The following SGCZ variants were observed in gnomAD, a reference collection of about 807,000 sequenced individuals.
SGCZ encodes the protein zeta-sarcoglycan.
A neutral mutation model predicts 41.3 loss-of-function variants in SGCZ; 40 were observed. That is an observed-to-expected ratio of 0.97 (90% confidence interval 0.75 to 1.26). The LOEUF is 1.26. Ranked by LOEUF, SGCZ falls within the 50% of genes most tolerant of loss-of-function variation. The pLI is 0.00. For missense variants in SGCZ, 552 were observed against 369.8 expected (o/e 1.49, Z -4.04); for synonymous variants, 206 against 137.5 (o/e 1.50, Z -3.49).
chr8:14,178,229 C>T (rs1442486607), intron 4 of SGCZ, among the ~76,000 whole-genome samples: 1 of 152,164 alleles, frequency 6.6e-6, no homozygotes, highest in Non-Finnish European at 1.5e-5. Flanking sequence ...GCTGGGATTA[C>T]AGGCTTGAGC....
intron 1 of SGCZ, among the ~76,000 whole-genome samples, chr8:15,000,182 G>A (rs902686819): frequency 6.6e-6 from 1 of 152,118 alleles, no homozygotes; most frequent in Admixed American, 6.5e-5. Flanking sequence ...CCAAGTCAAG[G>A]AGAGAGTCCT....
intron 5 of SGCZ, among the ~76,000 whole-genome samples, chr8:14,132,358 C>T (rs1161980085): frequency 6.6e-6 from 1 of 152,140 alleles, no homozygotes. Context: ...ATGATTGCAA[C>T]AAAATACAAA....
At position 15,017,310 on chromosome 8, in the gene SGCZ, C is replaced by G. The variant is rs562029040; in HGVS notation, c.39+220275G>C. Among the ~76,000 whole-genome samples the G allele has an allele frequency of 2.6e-5, 4 of 152,244 alleles. No individual in the cohort carries two copies. The South Asian group carries it at 8.3e-4, about 32-fold the overall frequency. ...GACAGTTTCCCAGGCAAATAGTCAA[C>G]AGAGGGCAGACACCTGTATTGCAAC... On this transcript the variant is annotated intron_variant, in intron 1 of 7. Coordinates refer to ENST00000382080, the MANE Select transcript of SGCZ (RefSeq NM_139167.4).
intron 1 of SGCZ, among the ~76,000 whole-genome samples, chr8:15,232,914 A>G (rs990446164): frequency 4.0e-5 from 6 of 151,576 alleles, no homozygotes; most frequent in Non-Finnish European, 8.8e-5. Flanking sequence ...TTTTTTCCAC[A>G]TTATAGATGT....
At chr8:14,924,725 A>G (rs1055684408) in intron 1 of SGCZ, among the ~76,000 whole-genome samples, 2 of 152,324 alleles carry the variant, frequency 1.3e-5, no homozygotes, top group South Asian at 2.1e-4. Flanking sequence ...ATTTTTCAAC[A>G]TAGTAAACTG....
chr8:14,626,460 G>A (rs1321366707), intron 1 of SGCZ, among the ~76,000 whole-genome samples: 1 of 151,942 alleles, frequency 6.6e-6, no homozygotes, highest in Non-Finnish European at 1.5e-5. Context: ...TTTGAACTTT[G>A]TCTCTTCTAA....
chr8:14,349,590 G>C (rs1048027949), intron 2 of SGCZ, among the ~76,000 whole-genome samples: 6 of 152,100 alleles, frequency 3.9e-5, no homozygotes. Flanking sequence ...AAGACTCTGA[G>C]ATCCTAGTGG....
chr8:14,649,091 A>C (rs1807315607), intron 1 of SGCZ, among the ~76,000 whole-genome samples: 4 of 152,128 alleles, frequency 2.6e-5, no homozygotes, highest in African/African-American at 7.2e-5. Flanking sequence ...GTGTTTTCAA[A>C]AGCGTCTTCT....
chr8:14,111,577 A>G (rs2117011980), intron 5 of SGCZ, among the ~76,000 whole-genome samples: 1 of 152,304 alleles, frequency 6.6e-6, no homozygotes, highest in Admixed American at 6.5e-5. Context: ...AAAGGGTACA[A>G]TGTTCAACAC....
chr8:14,624,408 T>G (rs1246763076), intron 1 of SGCZ, among the ~76,000 whole-genome samples: 3 of 151,924 alleles, frequency 2.0e-5, no homozygotes, highest in Non-Finnish European at 4.4e-5. Context: ...TTCAAATACA[T>G]TTACCAATAG....
rs115750744 is a variant in SGCZ at position 14,647,836 on chromosome 8, T to C, written c.40-92910A>G. ...CACTTCACTATTTTCTTCAGTGTTCTCATCTGTAAGTTGAAGTTATTGACA... is the reference window on the plus strand; with the variant it reads ...CACTTCACTATTTTCTTCAGTGTTCCCATCTGTAAGTTGAAGTTATTGACA... On this transcript the variant is annotated intron_variant, in intron 1 of 7. Transcript: ENST00000382080. Among the ~76,000 whole-genome samples the C allele has an allele frequency of 6.1e-3, 923 of 152,208 alleles. 10 individuals carry two copies. Among genetic ancestry groups the C allele is most frequent in the African/African-American group, 0.021 (875 of 41,558 alleles).
At chr8:14,681,421 T>G (rs907624603) in intron 1 of SGCZ, among the ~76,000 whole-genome samples, 3 of 152,174 alleles carry the variant, frequency 2.0e-5, no homozygotes, top group Non-Finnish European at 4.4e-5. Context: ...CTTTTAGAAA[T>G]ATAATGTAAA....
At chr8:15,162,491 T>C (rs1299355224) in intron 1 of SGCZ, among the ~76,000 whole-genome samples, 2 of 152,238 alleles carry the variant, frequency 1.3e-5, no homozygotes, top group African/African-American at 2.4e-5. Flanking sequence ...TAGATACTCC[T>C]TCATGACTCA....
intron 1 of SGCZ, among the ~76,000 whole-genome samples, chr8:15,203,184 C>T (rs1280695728): frequency 2.6e-5 from 4 of 152,068 alleles, no homozygotes; most frequent in African/African-American, 7.2e-5. Flanking sequence ...TATTCTGCCT[C>T]GGTATCTTTT....
In SGCZ at chr8:14,111,796, G is replaced by A. The variant is rs561389616; in HGVS notation, c.548-3561C>T. The stretch of plus-strand genomic sequence containing the variant: ...TAAGGATGGCATATTCTGCTTTGCC[G>A]GAAAGGAGAAAAGGCAGATATGGAT... On this transcript the variant is annotated intron_variant, in intron 5 of 7. Coordinates refer to ENST00000382080, the MANE Select transcript of SGCZ (RefSeq NM_139167.4). Among the ~76,000 whole-genome samples the A allele has an allele frequency of 3.3e-5, 5 of 152,236 alleles. No homozygotes were observed. In the South Asian group the frequency reaches 8.3e-4, roughly 25 times the overall value.
At chr8:14,479,731 C>CTTCTTTTTTTTTTT (rs1421864084) in intron 2 of SGCZ, among the ~76,000 whole-genome samples, 2 of 52,976 alleles carry the variant, frequency 3.8e-5, no homozygotes, top group African/African-American at 1.0e-4. Context: ...AATTCTACTT[C>CTTCTTTTTTTTTTT]TTTTTTTTTT....
intron 7 of SGCZ, among the ~76,000 whole-genome samples, chr8:14,094,980 T>A (rs1302418330): frequency 7.8e-5 from 1 of 12,888 alleles, no homozygotes; most frequent in African/African-American, 2.7e-4. Context: ...TTTTGATGGT[T>A]TTTTTTTCTT....
intron 3 of SGCZ, among the ~76,000 whole-genome samples, chr8:14,251,190 T>C (rs1799271629): frequency 6.6e-6 from 1 of 152,098 alleles, no homozygotes; most frequent in Non-Finnish European, 1.5e-5. Context: ...ATAGTGCCAC[T>C]GTACTCCAGT....
intron 3 of SGCZ, among the ~76,000 whole-genome samples, chr8:14,261,730 G>T (rs1799675077): frequency 6.6e-6 from 1 of 152,110 alleles, no homozygotes; most frequent in African/African-American, 2.4e-5. Flanking sequence ...TCACGCTGAA[G>T]ATTCACTTTA....
Sources: allele counts gnomAD v4.1 joint callset (sites outside exome capture counted in the v4.1 genomes callset), GRCh38; gene constraint gnomAD v4.1.1; transcripts MANE v1.5; gene names NCBI Gene and HGNC (gene_info 2026-07-23, HGNC 2026-07-21).